Variants in DAO observed in about 807,000 individuals in gnomAD.
The protein encoded by DAO is D-amino-acid oxidase.
In DAO, 51 loss-of-function variants were observed where a neutral mutation model predicts 50.1. The ratio of observed to expected loss-of-function variants is 1.02; its 90% CI spans 0.81 to 1.29. The LOEUF (loss-of-function observed/expected upper bound fraction) is 1.29. DAO is among the 50% of genes most tolerant of loss of function. The probability of loss-of-function intolerance (pLI) is 0.00; values close to 1 mark genes in which losing one functional copy is unlikely to be tolerated. For missense variants in DAO, 436 were observed against 439.4 expected (o/e 0.99, Z 0.07); for synonymous variants, 160 against 166.2 (o/e 0.96, Z 0.29).
intron 3 of DAO, among the ~76,000 whole-genome samples, chr12:108,888,078 A>G (rs112683669): frequency 0.014 from 2,113 of 152,352 alleles, 44 homozygotes; most frequent in African/African-American, 0.046. Context: ...CGGAGGCTCC[A>G]AGAAATGGAG....
chr12:108,890,257 C>T lies in DAO; in HGVS notation c.436C>T (p.Gln146Ter), dbSNP rs149793185. The change falls in exon 5 of 11, where the codon CAG becomes TAG. Residue 146 changes from glutamine (Q) to a stop codon, truncating the protein, a stop_gained. Transcript: ENST00000228476. LOFTEE classifies it high-confidence loss of function. ...AATTCTGGAGGGAAAGAACTATCTA[C>T]AGTGGCTGACTGAAAGGTGAGATTT... is the stretch of plus-strand genomic sequence containing the variant. ...SLILEGKNYL[Q>*]WLTERLTERG... 6 of 1,613,416 alleles carry T rather than the reference C, an allele frequency of 3.7e-6. No individual in the cohort carries two copies. The highest frequency in any genetic ancestry group is 8.5e-7 in the Non-Finnish European group (1 of 1,179,452).
chr12:108,899,477 T>A lies in DAO; in HGVS notation c.912+2T>A, dbSNP rs1432106083. 1.2e-6 allele frequency: 2 copies of A among 1,612,170 alleles called. No homozygotes were observed. The highest frequency in any genetic ancestry group is 2.7e-5 in the African/African-American group (2 of 74,952). ...CGCACTGGACCTTCAAACACAGAGG[T>A]ATGCTCCCATGGCAAGGAAAGTAAT... is the stretch of plus-strand genomic sequence containing the variant. On this transcript the variant is annotated splice_donor_variant, in intron 10 of 10. Transcript: ENST00000228476. LOFTEE classifies it high-confidence loss of function.
At chr12:108,881,453 T>C (rs1391747691) in intron 1 of DAO, among the ~76,000 whole-genome samples, 10 of 137,162 alleles carry the variant, frequency 7.3e-5, no homozygotes, top group African/African-American at 2.5e-4. Flanking sequence ...GAGGACCTCA[T>C]GCATTTATTT....
Position 108,889,973 on chromosome 12 carries a change from C to T in DAO, c.387-235C>T, listed in dbSNP as rs142906682. On this transcript the variant is annotated intron_variant, in intron 4 of 10. Transcript: ENST00000228476. Reference sequence around the variant, plus strand: ...CCACACCACACCTGAATCCCCTCTACGAATGCACATTCAATCTCCACTTGC... The same window carrying T: ...CCACACCACACCTGAATCCCCTCTATGAATGCACATTCAATCTCCACTTGC... 2.8e-3 allele frequency among the ~76,000 whole-genome samples: 427 copies of T among 152,234 alleles called. 1 individual carries two copies. The highest frequency in any genetic ancestry group is 4.3e-3 in the Admixed American group (66 of 15,270).
intron 7 of DAO, among the ~76,000 whole-genome samples, chr12:108,895,623 T>C (rs1593165794): frequency 6.7e-6 from 1 of 149,572 alleles, no homozygotes; most frequent in Admixed American, 6.6e-5. Flanking sequence ...TGAGAGTATG[T>C]ATGCATGTGT....
In DAO at chr12:108,887,467, CCT is replaced by C; in HGVS notation, c.213_214del (p.Phe72Ter). On this transcript the variant is annotated frameshift_variant, in exon 3 of 11. Coordinates refer to ENST00000228476, the MANE Select transcript of DAO (RefSeq NM_001917.5). LOFTEE classifies it high-confidence loss of function. The stretch of plus-strand genomic sequence containing the variant: ...CCTTCCAGGGACTGGAGCCAACAGA[CCT>C]TTGACTATCTCCTGAGCCATGTCCA... 6.2e-7 allele frequency: 1 copy of C among 1,614,026 alleles called. No homozygotes were observed. Among genetic ancestry groups the C allele is most frequent in the Non-Finnish European group, 8.5e-7 (1 of 1,179,916 alleles).
At chr12:108,887,606 GCT>G in intron 3 of DAO, 42 bp downstream of exon 3, 1 of 1,459,104 alleles carries the variant, frequency 6.9e-7, no homozygotes, top group African/African-American at 1.4e-5. Flanking sequence ...AGCACCCAGG[GCT>G]GGGGTAGTGA....
chr12:108,898,420 T>C (rs2039585370), intron 8 of DAO: 1 of 476,862 alleles, frequency 2.1e-6, no homozygotes, highest in South Asian at 2.0e-5. Flanking sequence ...ATGTTAGTGG[T>C]GGTGGTGAAA....
rs1039685563 is a variant in DAO at position 108,900,561 on chromosome 12, C to G, written c.*26C>G. On this transcript the variant is annotated 3_prime_UTR_variant, in exon 11 of 11. Transcript: ENST00000228476. ...AGACTCCAGTGACTGCTGCCTCCCC[C>G]CACAAGAACTCCCTTCTCCCCTCAG... is the stretch of plus-strand genomic sequence containing the variant. 7 of 1,612,888 alleles carry G rather than the reference C, an allele frequency of 4.3e-6. No homozygotes were observed. The highest frequency in any genetic ancestry group is 3.4e-6 in the Non-Finnish European group (4 of 1,179,466).
chr12:108,899,685 G>A (rs941398759), intron 10 of DAO: 1 of 609,550 alleles, frequency 1.6e-6, no homozygotes, highest in African/African-American at 1.8e-5. Context: ...GAGGGGCAGT[G>A]GTGATGTTAA....
In DAO at chr12:108,900,541, C is replaced by T; in HGVS notation, c.*6C>T. 1 of 1,613,796 alleles carries T rather than the reference C, an allele frequency of 6.2e-7. No homozygotes were observed. Among genetic ancestry groups the T allele is most frequent in the Non-Finnish European group, 8.5e-7 (1 of 1,179,830 alleles). On this transcript the variant is annotated 3_prime_UTR_variant, in exon 11 of 11. Coordinates refer to ENST00000228476, the MANE Select transcript of DAO (RefSeq NM_001917.5). ...TGCCACCATCCCACCTCTGAAGACT[C>T]CAGTGACTGCTGCCTCCCCCCACAA...
intron 2 of DAO, 133 bp downstream of exon 2, chr12:108,885,333 G>A: frequency 2.2e-6 from 2 of 899,508 alleles, no homozygotes; most frequent in Non-Finnish European, 3.5e-6. Context: ...AAAATGCCAG[G>A]CGTGGTGGTT....
chr12:108,898,700 A>T lies in DAO; in HGVS notation c.717A>T (p.Gly239=), dbSNP rs759305734. The change falls in exon 9 of 11, where the codon GGA becomes GGT. Residue 239 remains glycine, a synonymous_variant. Transcript: ENST00000228476. ...CTAGGACCCAGACAGTTACTCTTGG[A>T]GGCATCTTCCAGTTGGGAAACTGGA... ...IIPGTQTVTL[G]GIFQLGNWSE... is the part of the protein sequence containing the mutation. 6 of 1,613,092 alleles carry T rather than the reference A, an allele frequency of 3.7e-6. No homozygotes were observed. The Admixed American group carries it at 5.0e-5, about 13-fold the overall frequency.
At position 108,880,107 on chromosome 12, in the gene DAO, C is replaced by T. The variant is rs754534984; in HGVS notation, c.-127C>T. 12 of 456,694 alleles carry T rather than the reference C, an allele frequency of 2.6e-5. No individual in the cohort carries two copies. Among genetic ancestry groups the T allele is most frequent in the South Asian group, 1.7e-4 (11 of 64,564 alleles). 28.3% of individuals were successfully genotyped at this position (456,694 alleles called of 1,614,324 possible). A position where few individuals can be genotyped will look rare whatever the true frequency, so the allele number is the denominator to read the frequency against. On this transcript the variant is annotated 5_prime_UTR_variant, in exon 1 of 11. Coordinates refer to ENST00000228476, the MANE Select transcript of DAO (RefSeq NM_001917.5). ...CTTTGACCCTGCACTCCAGTCCGGG[C>T]TGGCGGACAGAGGGCTGGAAACAAG...
In DAO at chr12:108,900,961, C is replaced by A. The variant is rs1473936662; in HGVS notation, c.*426C>A. ...CTGATGTTGTTTAACCCAGTGCTTG[C>A]TAAACCTATCTGGCTATGGAACTCT... On this transcript the variant is annotated 3_prime_UTR_variant, in exon 11 of 11. Coordinates refer to ENST00000228476, the MANE Select transcript of DAO (RefSeq NM_001917.5). 2 of 236,894 alleles carry A rather than the reference C, an allele frequency of 8.4e-6. No homozygotes were observed. Among genetic ancestry groups the A allele is most frequent in the Non-Finnish European group, 1.7e-5 (2 of 119,322 alleles). The allele number at this position is 236,894 out of a possible 1,614,324, so 14.7% of individuals were successfully genotyped here. A position where few individuals can be genotyped will look rare whatever the true frequency, so the allele number is the denominator to read the frequency against.
intron 5 of DAO, among the ~76,000 whole-genome samples, chr12:108,891,461 A>G: frequency 6.6e-6 from 1 of 152,002 alleles, no homozygotes; most frequent in Non-Finnish European, 1.5e-5. Context: ...AAAAAAAAAA[A>G]AAAGATTAAA....
Position 108,900,434 on chromosome 12 carries a change from G to A in DAO, c.943G>A (p.Gly315Arg), listed in dbSNP as rs575170073. The A allele has an allele frequency of 1.5e-5, 24 of 1,614,018 alleles. No homozygotes were observed. The highest frequency in any genetic ancestry group is 4.5e-5 in the East Asian group (2 of 44,876). Residue 315 changes from glycine (G) to arginine (R), a missense_variant, in exon 11 of 11, where the codon GGG (glycine) becomes AGG (arginine). Gly to Arg is a moderately radical substitution (Grantham distance 125). Transcript: ENST00000228476. ...VIHNYGHGGYGLTIHWGCALE... is the reference protein window; with the variant it reads ...VIHNYGHGGYRLTIHWGCALE... ...CCACAACTATGGCCATGGAGGCTAC[G>A]GGCTCACCATCCACTGGGGATGTGC...
At chr12:108,896,057 G>C (rs553164802) in intron 7 of DAO, among the ~76,000 whole-genome samples, 2 of 151,936 alleles carry the variant, frequency 1.3e-5, no homozygotes, top group East Asian at 3.9e-4. Context: ...TGAGAGAAGG[G>C]TGTAGCAGCG....
In DAO at chr12:108,885,176, C is replaced by T. The variant is rs1477157353; in HGVS notation, c.170C>T (p.Ser57Phe). The T allele has an allele frequency of 6.2e-7, 1 of 1,613,372 alleles. No individual in the cohort carries two copies. The highest frequency in any genetic ancestry group is 1.3e-5 in the African/African-American group (1 of 74,922). ...GCCGGCCTCTGGCAGCCCTACCTTT[C>T]TGACCCCAACAACCCACAGGAGGCG... The part of the protein sequence containing the change: ...VAAGLWQPYL[S>F]DPNNPQEADW... Residue 57 changes from serine to phenylalanine, a missense_variant, in exon 2 of 11, where the codon TCT (serine) becomes TTT (phenylalanine). Coordinates refer to ENST00000228476, the MANE Select transcript of DAO (RefSeq NM_001917.5).
Sources: gnomAD v4.1 joint callset for allele counts (sites outside exome capture counted in the v4.1 genomes callset) on GRCh38, gnomAD v4.1.1 for gene constraint, MANE v1.5 for transcripts, NCBI Gene and HGNC (gene_info 2026-07-23, HGNC 2026-07-21) for gene names.